EIF3H: variants seen among roughly 807,000 people sequenced by gnomAD.
EIF3H encodes the protein eIF-3-gamma.
A neutral mutation model predicts 44.2 loss-of-function variants in EIF3H; 26 were observed. The observed-to-expected ratio is 0.59, with a 90% CI of 0.43 to 0.82. The LOEUF (loss-of-function observed/expected upper bound fraction) is 0.82, where lower values mean the gene tolerates loss of function less well. Ranked by LOEUF, EIF3H falls within the 40% of genes least tolerant of loss-of-function variation. EIF3H has a pLI of 0.00. For missense variants in EIF3H, 359 were observed against 432.8 expected, an observed-to-expected ratio of 0.83 and a Z score of 1.51; for synonymous variants, 166 against 151.9, an observed-to-expected ratio of 1.09 and a Z score of -0.68.
chr8:116,739,514 G>A (rs1043323209), intron 1 of EIF3H, among the ~76,000 whole-genome samples: 5 of 152,204 alleles, frequency 3.3e-5, no homozygotes, highest in Non-Finnish European at 7.3e-5. Flanking sequence ...GCCGGGCGTG[G>A]TGATGGGCGC....
chr8:116,665,335 A>G (rs1479406812), intron 2 of EIF3H, among the ~76,000 whole-genome samples: 1 of 152,230 alleles, frequency 6.6e-6, no homozygotes, highest in Non-Finnish European at 1.5e-5. Flanking sequence ...TAATTATCAC[A>G]AATACATAAT....
chr8:116,650,726 G>A (rs887173384), intron 5 of EIF3H, among the ~76,000 whole-genome samples: 3 of 152,074 alleles, frequency 2.0e-5, no homozygotes, highest in African/African-American at 2.4e-5. Flanking sequence ...GCAGTGGGGC[G>A]ACCTCCACCT....
chr8:116,753,132 G>A (rs576070068), intron 1 of EIF3H, among the ~76,000 whole-genome samples: 3 of 152,166 alleles, frequency 2.0e-5, no homozygotes, highest in East Asian at 3.9e-4. Flanking sequence ...CAAGATAAAA[G>A]AACCTTGCAA....
At chr8:116,702,292 T>C (rs2130882319) in intron 2 of EIF3H, among the ~76,000 whole-genome samples, 1 of 152,224 alleles carries the variant, frequency 6.6e-6, no homozygotes, top group Admixed American at 6.5e-5. Context: ...GAAATGGAAG[T>C]AGTGTCAAGA....
chr8:116,645,735 AAATTT>A (rs1489254185), intron 7 of EIF3H, among the ~76,000 whole-genome samples: 8 of 152,194 alleles, frequency 5.3e-5, no homozygotes, highest in Non-Finnish European at 5.9e-5. Flanking sequence ...TCTCATTTCC[AAATTT>A]AATTTGTATG....
upstream of EIF3H, among the ~76,000 whole-genome samples, chr8:116,760,489 A>G (rs1361317481): frequency 1.3e-5 from 2 of 152,222 alleles, no homozygotes; most frequent in Non-Finnish European, 2.9e-5. Context: ...AAGAATTAGC[A>G]TGTGGTCATT....
In EIF3H at chr8:116,646,570, G is replaced by C. The variant is rs774767420; in HGVS notation, c.862C>G (p.Arg288Gly). The C allele has an allele frequency of 6.2e-7, 1 of 1,613,976 alleles. No individual in the cohort carries two copies. The highest frequency in any genetic ancestry group is 1.7e-5 in the Admixed American group (1 of 59,992). Residue 288 changes from arginine to glycine, a missense_variant, in exon 7 of 8, where the codon CGC becomes GGC. Arg to Gly is a moderately radical substitution (Grantham distance 125, BLOSUM62 -2). Transcript: ENST00000521861. ...QQRRQQENMQ[R>G]QSRGEPPLPE... is the part of the protein sequence containing the mutation. ...AGCGGGGGTTCTCCTCGGCTCTGGC[G>C]CTGCATATTCTCCTGCTGGCGACGC...
chr8:116,734,099 G>A (rs1177303894), intron 1 of EIF3H, among the ~76,000 whole-genome samples: 2 of 152,156 alleles, frequency 1.3e-5, no homozygotes, highest in East Asian at 3.8e-4. Flanking sequence ...GGCAAATTAT[G>A]TATTATTATG....
Position 116,657,329 on chromosome 8 carries a change from G to A in EIF3H, c.458-15C>T. 6.3e-7 allele frequency: 1 copy of A among 1,593,616 alleles called. No individual in the cohort carries two copies. The stretch of plus-strand genomic sequence containing the variant: ...TTTTATGGGATCTCAAACAAGGAAA[G>A]AGAAATAAATTACTAAGAATTTTGT... On this transcript the variant is annotated splice_polypyrimidine_tract_variant and intron_variant, in intron 3 of 7. Coordinates refer to ENST00000521861, the MANE Select transcript of EIF3H (RefSeq NM_003756.3).
intron 1 of EIF3H, among the ~76,000 whole-genome samples, chr8:116,736,069 C>A (rs896889717): frequency 2.0e-5 from 3 of 151,962 alleles, no homozygotes; most frequent in African/African-American, 7.3e-5. Context: ...AGGTAAAATA[C>A]CAATAGACAA....
upstream of EIF3H, among the ~76,000 whole-genome samples, chr8:116,759,454 A>G (rs960868361): frequency 6.6e-6 from 1 of 152,210 alleles, no homozygotes. Context: ...GCCCAGTAAA[A>G]GTCAGGCTGT....
At chr8:116,645,228 T>C in intron 7 of EIF3H, 125 bp from the exon 8 acceptor site, 1 of 707,046 alleles carries the variant, frequency 1.4e-6, no homozygotes. Context: ...AATCCAGAGT[T>C]TATTTTTCCA....
At chr8:116,700,839 A>T (rs1160098260) in intron 2 of EIF3H, among the ~76,000 whole-genome samples, 4 of 152,198 alleles carry the variant, frequency 2.6e-5, no homozygotes, top group Admixed American at 2.6e-4. Flanking sequence ...GAAATGGGAA[A>T]GAATTTTTCT....
intron 6 of EIF3H, 120 bp from the exon 7 acceptor site, chr8:116,646,723 T>C (rs1185971469): frequency 1.5e-6 from 2 of 1,351,278 alleles, no homozygotes; most frequent in Non-Finnish European, 2.0e-6. Context: ...TCAGTTTTTA[T>C]CATTGGCAAC....
At chr8:116,758,504 A>G (rs1471445690), upstream of EIF3H, among the ~76,000 whole-genome samples, 1 of 152,242 alleles carries the variant, frequency 6.6e-6, no homozygotes, top group African/African-American at 2.4e-5. Context: ...ATCAACCAAC[A>G]GGATCAAATC....
intron 1 of EIF3H, among the ~76,000 whole-genome samples, chr8:116,763,497 A>G (rs1216733512): frequency 6.6e-6 from 1 of 152,216 alleles, no homozygotes; most frequent in African/African-American, 2.4e-5. Flanking sequence ...TTAAAAAGTG[A>G]CAGCCTCCAT....
intron 2 of EIF3H, among the ~76,000 whole-genome samples, chr8:116,703,722 C>T (rs1435373729): frequency 2.0e-5 from 3 of 152,168 alleles, no homozygotes; most frequent in Non-Finnish European, 4.4e-5. Context: ...CCTTACCCTG[C>T]CCCCTTGTCT....
At chr8:116,706,945 T>A (rs1259245647) in intron 2 of EIF3H, among the ~76,000 whole-genome samples, 1 of 152,324 alleles carries the variant, frequency 6.6e-6, no homozygotes, top group East Asian at 1.9e-4. Flanking sequence ...GGCTAAGCTA[T>A]GACGTTTGGT....
At chr8:116,757,545 T>C (rs1453944093), upstream of EIF3H, among the ~76,000 whole-genome samples, 1 of 151,964 alleles carries the variant, frequency 6.6e-6, no homozygotes. Flanking sequence ...GGTGACCTCA[T>C]CCAAGCTTTA....
Sources: allele counts gnomAD v4.1 joint callset (sites outside exome capture counted in the v4.1 genomes callset), GRCh38; gene constraint gnomAD v4.1.1; transcripts MANE v1.5; gene names NCBI Gene and HGNC (gene_info 2026-07-23, HGNC 2026-07-21).